Variants in PTPRG observed in about 807,000 individuals in gnomAD.
The protein encoded by PTPRG is receptor-type tyrosine-protein phosphatase gamma.
PTPRG carries 102 observed loss-of-function variants against 165.3 expected under a neutral mutation model. The observed-to-expected ratio is 0.62, with a 90% CI of 0.53 to 0.73. The LOEUF (loss-of-function observed/expected upper bound fraction) is 0.73. Among genes scored for constraint, PTPRG ranks in the 30% least tolerant of loss-of-function variants. PTPRG has a pLI of 0.00. For missense variants in PTPRG, 1,866 were observed against 1,861.4 expected, an observed-to-expected ratio of 1.00 and a Z score of -0.05; for synonymous variants, 675 against 669.5, an observed-to-expected ratio of 1.01 and a Z score of -0.13.
chr3:61,790,587 G>A (rs939484908), intron 2 of PTPRG, among the ~76,000 whole-genome samples: 7 of 152,166 alleles, frequency 4.6e-5, no homozygotes, highest in African/African-American at 1.4e-4. Flanking sequence ...GTTTATAGAT[G>A]TATACTTTCC....
intron 8 of PTPRG, among the ~76,000 whole-genome samples, chr3:62,182,280 GGTAATCACT>G (rs1705685854): frequency 2.0e-5 from 3 of 152,202 alleles, no homozygotes; most frequent in South Asian, 4.2e-4. Context: ...CACCTGTATT[GGTAATCACT>G]GTAATCTAAC....
intron 7 of PTPRG, 122 bp downstream of exon 7, chr3:62,157,346 C>G: frequency 1.0e-6 from 1 of 996,474 alleles, no homozygotes; most frequent in African/African-American, 1.6e-5. Flanking sequence ...ATCATTGATT[C>G]CTGCAGTCTT....
intron 2 of PTPRG, among the ~76,000 whole-genome samples, chr3:61,939,415 G>A (rs2039557806): frequency 6.6e-6 from 1 of 152,256 alleles, no homozygotes; most frequent in East Asian, 1.9e-4. Flanking sequence ...TAAAGAAAAA[G>A]CCAGTGCTTA....
chr3:62,110,305 C>T (rs1702623554), intron 5 of PTPRG, among the ~76,000 whole-genome samples: 1 of 151,994 alleles, frequency 6.6e-6, no homozygotes, highest in African/African-American at 2.4e-5. Context: ...AGAATTGCCA[C>T]CAAACTACCA....
chr3:61,864,759 A>G (rs1377780878), intron 2 of PTPRG, among the ~76,000 whole-genome samples: 1 of 152,212 alleles, frequency 6.6e-6, no homozygotes, highest in East Asian at 1.9e-4. Flanking sequence ...AATTGAGAAG[A>G]GACCACAATT....
In PTPRG at chr3:61,802,555, C is replaced by A. The variant is rs372724406; in HGVS notation, c.190+53573C>A. Among the ~76,000 whole-genome samples, 4 of 152,330 alleles carry A rather than the reference C, an allele frequency of 2.6e-5. No individual in the cohort carries two copies. In the South Asian group the frequency reaches 8.3e-4, roughly 32 times the overall value. On this transcript the variant is annotated intron_variant, in intron 2 of 29. Coordinates refer to ENST00000474889, the MANE Select transcript of PTPRG (RefSeq NM_002841.4). Reference sequence around the variant, plus strand: ...GTATTCTTCTTGCAGGCCTAGTTTGCTTCATCATTAGGATAACTGTATGCA... The same window carrying A: ...GTATTCTTCTTGCAGGCCTAGTTTGATTCATCATTAGGATAACTGTATGCA...
At chr3:61,984,935 A>G (rs1175139594) in intron 2 of PTPRG, among the ~76,000 whole-genome samples, 2 of 152,196 alleles carry the variant, frequency 1.3e-5, no homozygotes, top group Non-Finnish European at 2.9e-5. Context: ...TGTATTCCCC[A>G]TGATTATACC....
intron 16 of PTPRG, chr3:62,262,129 A>G (rs1387063468): frequency 6.6e-6 from 1 of 152,222 alleles, no homozygotes; most frequent in Non-Finnish European, 1.5e-5. Context: ...CGGCCAAGGT[A>G]GGATAAGAGT....
intron 2 of PTPRG, among the ~76,000 whole-genome samples, chr3:61,828,053 G>A (rs780723164): frequency 2.0e-5 from 3 of 152,152 alleles, no homozygotes; most frequent in East Asian, 1.9e-4. Context: ...TAAATTCCAC[G>A]TACAGTAATT....
chr3:62,173,719 G>A (rs1705309331), intron 8 of PTPRG, among the ~76,000 whole-genome samples: 1 of 152,010 alleles, frequency 6.6e-6, no homozygotes, highest in Non-Finnish European at 1.5e-5. Flanking sequence ...CAGAGCCTCA[G>A]TTGACTGAAT....
intron 21 of PTPRG, 54 bp from the exon 22 acceptor site, chr3:62,272,892 A>G: frequency 1.4e-6 from 2 of 1,460,818 alleles, no homozygotes; most frequent in South Asian, 3.0e-5. Context: ...TCGAATCCAA[A>G]GTTAACAGTA....
At chr3:61,867,697 C>G in intron 2 of PTPRG, among the ~76,000 whole-genome samples, 1 of 152,130 alleles carries the variant, frequency 6.6e-6, no homozygotes, top group Non-Finnish European at 1.5e-5. Flanking sequence ...CTGCAGCCCT[C>G]TCTCCCTCTC....
chr3:61,937,433 A>G (rs1416913007), intron 2 of PTPRG, among the ~76,000 whole-genome samples: 1 of 152,166 alleles, frequency 6.6e-6, no homozygotes, highest in Non-Finnish European at 1.5e-5. Flanking sequence ...AACCAAACCC[A>G]GTTTCTGGGT....
chr3:61,960,758 T>C lies in PTPRG; in HGVS notation c.191-28867T>C, dbSNP rs560968150. On this transcript the variant is annotated intron_variant, in intron 2 of 29. Coordinates refer to ENST00000474889, the MANE Select transcript of PTPRG (RefSeq NM_002841.4). ...GGTTGCTTTTGTCATTAAGTAATTATAGCTTTATAATGGGTCTTGGGGAGT... is the reference window on the plus strand; with the variant it reads ...GGTTGCTTTTGTCATTAAGTAATTACAGCTTTATAATGGGTCTTGGGGAGT... 1.1e-3 allele frequency among the ~76,000 whole-genome samples: 172 copies of C among 152,268 alleles called. 6 individuals are homozygous for C. The South Asian group carries it at 0.034, about 30-fold the overall frequency.
intron 1 of PTPRG, among the ~76,000 whole-genome samples, chr3:61,648,624 A>C (rs568209903): frequency 2.4e-4 from 36 of 152,212 alleles, no homozygotes; most frequent in Non-Finnish European, 1.6e-4. Flanking sequence ...GGAACGTCTA[A>C]TGCCTGCACT....
chr3:61,747,510 G>A (rs2033257822), intron 1 of PTPRG, among the ~76,000 whole-genome samples: 1 of 152,138 alleles, frequency 6.6e-6, no homozygotes, highest in Non-Finnish European at 1.5e-5. Context: ...CTTGTGTTGA[G>A]AATTTATAGG....
At chr3:62,101,901 TAAAC>T (rs1389018961) in intron 5 of PTPRG, among the ~76,000 whole-genome samples, 2 of 152,228 alleles carry the variant, frequency 1.3e-5, no homozygotes, top group Admixed American at 1.3e-4. Flanking sequence ...CGTACACAAA[TAAAC>T]AGCAGGCATT....
intron 2 of PTPRG, among the ~76,000 whole-genome samples, chr3:61,877,557 A>G (rs1197662546): frequency 6.6e-6 from 1 of 152,240 alleles, no homozygotes; most frequent in Admixed American, 6.5e-5. Flanking sequence ...GGTTAATGCA[A>G]GCATACTAAA....
At chr3:61,894,785 C>T (rs1228843087) in intron 2 of PTPRG, among the ~76,000 whole-genome samples, 2 of 152,144 alleles carry the variant, frequency 1.3e-5, no homozygotes, top group South Asian at 2.1e-4. Context: ...TAACAGCTAC[C>T]TTTGCCCTTG....
Sources: gnomAD v4.1 joint callset for allele counts (sites outside exome capture counted in the v4.1 genomes callset) on GRCh38, gnomAD v4.1.1 for gene constraint, MANE v1.5 for transcripts, NCBI Gene and HGNC (gene_info 2026-07-23, HGNC 2026-07-21) for gene names.